SSX2IP: variants seen among roughly 807,000 people sequenced by gnomAD.
SSX2IP encodes the protein SSX family member 2 interacting protein.
A neutral mutation model predicts 84.9 loss-of-function variants in SSX2IP; 55 were observed. The ratio of observed to expected loss-of-function variants is 0.65; its 90% CI spans 0.52 to 0.81. The LOEUF is 0.81. Among genes scored for constraint, SSX2IP ranks in the 30% least tolerant of loss-of-function variants. SSX2IP has a pLI of 0.00. For missense variants in SSX2IP, 664 were observed against 705.2 expected (o/e 0.94, Z 0.66); for synonymous variants, 239 against 234.7 (o/e 1.02, Z -0.17).
intron 8 of SSX2IP, 25 bp downstream of exon 8, chr1:84,662,173 T>C: frequency 2.0e-6 from 3 of 1,466,922 alleles, no homozygotes; most frequent in Non-Finnish European, 2.8e-6. Context: ...CTGAAGACTG[T>C]ATTAGAGAGG....
intron 1 of SSX2IP, among the ~76,000 whole-genome samples, chr1:84,686,475 G>A (rs964667535): frequency 6.6e-6 from 1 of 152,202 alleles, no homozygotes; most frequent in Non-Finnish European, 1.5e-5. Context: ...ACTGGGTTTG[G>A]GCAAATGTGT....
intron 11 of SSX2IP, 128 bp downstream of exon 11, chr1:84,655,704 T>C (rs1246145389): frequency 2.1e-6 from 3 of 1,421,368 alleles, no homozygotes; most frequent in Non-Finnish European, 2.8e-6. Context: ...TTCAAATTAT[T>C]TGTGAGATCA....
At position 84,644,488 on chromosome 1, in the gene SSX2IP, A is replaced by G. The variant is rs1053955681; in HGVS notation, c.*2945T>C. Reference sequence around the variant, plus strand: ...AAAAAGGACAAAAATAGGGAAAAGTATATTTACTAGACTTCCATAATCCAT... The same window carrying G: ...AAAAAGGACAAAAATAGGGAAAAGTGTATTTACTAGACTTCCATAATCCAT... On this transcript the variant is annotated 3_prime_UTR_variant, in exon 14 of 14. Coordinates refer to ENST00000342203, the MANE Select transcript of SSX2IP (RefSeq NM_001166293.2). 6.6e-6 allele frequency: 1 copy of G among 152,236 alleles called. No homozygotes were observed. The highest frequency in any genetic ancestry group is 2.4e-5 in the African/African-American group (1 of 41,468). 9.4% of individuals were successfully genotyped at this position (152,236 alleles called of 1,614,324 possible). A position where few individuals can be genotyped will look rare whatever the true frequency, so the allele number is the denominator to read the frequency against.
At chr1:84,670,104 C>T in intron 3 of SSX2IP, 1 of 407,470 alleles carries the variant, frequency 2.5e-6, no homozygotes, top group South Asian at 4.2e-5. Flanking sequence ...GAGGTATGCA[C>T]ACTGAGCCAT....
Position 84,645,648 on chromosome 1 carries a change from T to C in SSX2IP, c.*1785A>G, listed in dbSNP as rs566239053. ...CTCGGGGGAAAATTGTTGCCAAATGTATCCATTAACTGTATTTAAAATTTC... is the reference window on the plus strand; with the variant it reads ...CTCGGGGGAAAATTGTTGCCAAATGCATCCATTAACTGTATTTAAAATTTC... On this transcript the variant is annotated 3_prime_UTR_variant, in exon 14 of 14. Transcript: ENST00000342203. The C allele has an allele frequency of 6.6e-6, 1 of 152,348 alleles. No homozygotes were observed. The highest frequency in any genetic ancestry group is 2.1e-4 in the South Asian group (1 of 4,830). 9.4% of individuals were successfully genotyped at this position (152,348 alleles called of 1,614,324 possible).
intron 12 of SSX2IP, among the ~76,000 whole-genome samples, chr1:84,651,430 T>C (rs6681911): frequency 0.53 from 80,120 of 152,084 alleles, 22,992 homozygotes; most frequent in East Asian, 0.72. Context: ...GTAAATAAAA[T>C]ATTAAAGTTG....
intron 12 of SSX2IP, among the ~76,000 whole-genome samples, chr1:84,650,830 G>C (rs940828355): frequency 6.6e-6 from 1 of 151,666 alleles, no homozygotes; most frequent in Non-Finnish European, 1.5e-5. Context: ...TCAGCCTCCC[G>C]AGTAGCTGGG....
chr1:84,669,941 A>T (rs368292001), intron 3 of SSX2IP, 48 bp from the exon 4 acceptor site: 1 of 1,411,498 alleles, frequency 7.1e-7, no homozygotes, highest in African/African-American at 1.4e-5. Flanking sequence ...TTGAGGAGAT[A>T]CTGGTCAGAG....
intron 11 of SSX2IP, chr1:84,655,414 A>C: frequency 7.8e-7 from 1 of 1,288,256 alleles, no homozygotes; most frequent in Non-Finnish European, 1.0e-6. Flanking sequence ...GAGCGTATAT[A>C]TAACAATGAT....
intron 1 of SSX2IP, among the ~76,000 whole-genome samples, chr1:84,675,023 A>G (rs1198849139): frequency 1.3e-5 from 2 of 152,212 alleles, no homozygotes. Flanking sequence ...GTTGCAAAGC[A>G]TTTTTTATGA....
At chr1:84,684,309 A>T (rs1655492043) in intron 1 of SSX2IP, among the ~76,000 whole-genome samples, 1 of 152,216 alleles carries the variant, frequency 6.6e-6, no homozygotes, top group African/African-American at 2.4e-5. Flanking sequence ...TTTGAGAATC[A>T]CTGCTGTGTT....
At chr1:84,650,782 G>A (rs1400330179) in intron 12 of SSX2IP, among the ~76,000 whole-genome samples, 1 of 151,678 alleles carries the variant, frequency 6.6e-6, no homozygotes, top group African/African-American at 2.4e-5. Context: ...TTGCCTCACT[G>A]CAAGCTCCAC....
chr1:84,652,855 C>T (rs1396267982), intron 11 of SSX2IP, among the ~76,000 whole-genome samples: 3 of 151,438 alleles, frequency 2.0e-5, no homozygotes, highest in Non-Finnish European at 2.9e-5. Context: ...GAAACCCCGT[C>T]TCTACTAAAA....
intron 10 of SSX2IP, 21 bp from the exon 11 acceptor site, chr1:84,656,026 G>A (rs948760208): frequency 1.9e-6 from 3 of 1,601,812 alleles, no homozygotes; most frequent in Non-Finnish European, 2.6e-6. Context: ...TTAAAACATA[G>A]TAAGTTCCTG....
chr1:84,686,069 T>G (rs1655737750), intron 1 of SSX2IP, among the ~76,000 whole-genome samples: 1 of 152,248 alleles, frequency 6.6e-6, no homozygotes, highest in Admixed American at 6.5e-5. Context: ...ACTTAATGCT[T>G]GCAAAATAAG....
intron 8 of SSX2IP, among the ~76,000 whole-genome samples, chr1:84,660,778 C>T (rs951192679): frequency 2.7e-5 from 4 of 149,778 alleles, no homozygotes; most frequent in South Asian, 2.1e-4. Context: ...AAAGGCCAGA[C>T]GCAGTGGCTG....
intron 2 of SSX2IP, 25 bp from the exon 3 acceptor site, chr1:84,670,840 T>C (rs1028024806): frequency 1.3e-6 from 2 of 1,549,952 alleles, no homozygotes; most frequent in Non-Finnish European, 1.7e-6. Flanking sequence ...GGCATCTATA[T>C]AAATAATTTA....
rs771883431 is a variant in SSX2IP at position 84,656,402 on chromosome 1, C to T, written c.1161G>A (p.Glu387=). 1 of 1,613,466 alleles carries T rather than the reference C, an allele frequency of 6.2e-7. No individual in the cohort carries two copies. Among genetic ancestry groups the T allele is most frequent in the Non-Finnish European group, 8.5e-7 (1 of 1,179,740 alleles). ...QDHEQETEKL[E]LEIQQCKEMI... Reference sequence around the variant, plus strand: ...TTTCTTTACACTGCTGAATTTCTAACTCGAGTTTTTCAGTTTCTTGTTCAT... The same window carrying T: ...TTTCTTTACACTGCTGAATTTCTAATTCGAGTTTTTCAGTTTCTTGTTCAT... The change falls in exon 10 of 14, where the codon GAG becomes GAA. Residue 387 remains glutamate (E), a synonymous_variant. Coordinates refer to ENST00000342203, the MANE Select transcript of SSX2IP (RefSeq NM_001166293.2).
Position 84,650,520 on chromosome 1 carries a change from A to G in SSX2IP, c.1512T>C (p.Asp504=), listed in dbSNP as rs1370975518. Residue 504 remains aspartate (D), a synonymous_variant, in exon 13 of 14, where the codon GAT becomes GAC. Coordinates refer to ENST00000342203, the MANE Select transcript of SSX2IP (RefSeq NM_001166293.2). ...TCGAGTGCACTATAAGATTGTCCCAATCAGAACCTGTTGTAAAACAAGTAA... is the reference window on the plus strand; with the variant it reads ...TCGAGTGCACTATAAGATTGTCCCAGTCAGAACCTGTTGTAAAACAAGTAA... ...KLFSAFSGSS[D]WDNLIVHSRQ... is the part of the protein sequence containing the mutation. 7 of 1,613,970 alleles carry G rather than the reference A, an allele frequency of 4.3e-6. No individual in the cohort carries two copies. The highest frequency in any genetic ancestry group is 4.5e-5 in the East Asian group (2 of 44,894).
Sources: allele counts gnomAD v4.1 joint callset (sites outside exome capture counted in the v4.1 genomes callset), GRCh38; gene constraint gnomAD v4.1.1; transcripts MANE v1.5; gene names NCBI Gene and HGNC (gene_info 2026-07-23, HGNC 2026-07-21).